CLIC6: variants seen among roughly 807,000 people sequenced by gnomAD.
The protein encoded by CLIC6 is chloride intracellular channel protein 6.
In CLIC6, 39 loss-of-function variants were observed where a neutral mutation model predicts 49.2. That is an observed-to-expected ratio of 0.79 (90% CI 0.61 to 1.04). CLIC6 has a LOEUF of 1.04. Among genes scored for constraint, CLIC6 ranks in the 50% least tolerant of loss-of-function variants. The probability of loss-of-function intolerance (pLI) is 0.00; values close to 1 mark genes in which losing one functional copy is unlikely to be tolerated. For synonymous variants in CLIC6, 446 were observed against 433.4 expected, an observed-to-expected ratio of 1.03 and a Z score of -0.36; for missense variants, 988 against 993.1, an observed-to-expected ratio of 0.99 and a Z score of 0.07.
At chr21:34,713,125 C>G (rs1353792953) in intron 5 of CLIC6, among the ~76,000 whole-genome samples, 1 of 151,628 alleles carries the variant, frequency 6.6e-6, no homozygotes, top group Non-Finnish European at 1.5e-5. Flanking sequence ...TTGGGGTAGA[C>G]AGAGTTGATT....
chr21:34,671,451 T>C (rs1382926599), intron 1 of CLIC6, among the ~76,000 whole-genome samples: 1 of 152,212 alleles, frequency 6.6e-6, no homozygotes, highest in Non-Finnish European at 1.5e-5. Context: ...TCTGCTTGTA[T>C]GTCATGTTTT....
chr21:34,700,311 G>A (rs1360171532), intron 1 of CLIC6, among the ~76,000 whole-genome samples: 1 of 140,948 alleles, frequency 7.1e-6, no homozygotes. Context: ...GCCGTGCGTG[G>A]TGCCGGGCTC....
intron 1 of CLIC6, among the ~76,000 whole-genome samples, chr21:34,701,896 G>A (rs149589987): frequency 6.6e-5 from 10 of 151,942 alleles, no homozygotes; most frequent in East Asian, 3.9e-4. Context: ...GACTTGCTGC[G>A]GGTGACTCAG....
chr21:34,672,394 C>T (rs1466245823), intron 1 of CLIC6, among the ~76,000 whole-genome samples: 2 of 152,154 alleles, frequency 1.3e-5, no homozygotes, highest in Non-Finnish European at 2.9e-5. Context: ...ACTTACTGTT[C>T]CTTGAGGGAG....
chr21:34,702,120 G>A (rs1259830603), intron 1 of CLIC6, among the ~76,000 whole-genome samples: 1 of 152,168 alleles, frequency 6.6e-6, no homozygotes, highest in African/African-American at 2.4e-5. Context: ...TCAGGCCCCC[G>A]TCATTTTGTG....
Position 34,708,044 on chromosome 21 carries a change from T to C in CLIC6, c.1585T>C (p.Leu529=). The change falls in exon 3 of 6, where the codon TTA becomes CTA. Residue 529 remains leucine, a synonymous_variant. Transcript: ENST00000349499. The part of the protein sequence containing the change: ...KTDVNKIEEF[L]EEKLAPPRYP... ...GGATGTGAATAAGATCGAGGAGTTC[T>C]TAGAGGAGAAATTAGCTCCCCCGAG... 6.2e-7 allele frequency: 1 copy of C among 1,614,158 alleles called. No individual in the cohort carries two copies. The highest frequency in any genetic ancestry group is 8.5e-7 in the Non-Finnish European group (1 of 1,180,006).
intron 1 of CLIC6, among the ~76,000 whole-genome samples, chr21:34,680,497 T>C (rs923020442): frequency 4.6e-5 from 7 of 152,262 alleles, no homozygotes; most frequent in Admixed American, 3.3e-4. Context: ...TGCAAATCTC[T>C]GCAGCAGGCT....
chr21:34,692,087 A>T (rs1990005722), intron 1 of CLIC6, among the ~76,000 whole-genome samples: 1 of 152,234 alleles, frequency 6.6e-6, no homozygotes, highest in Admixed American at 6.5e-5. Context: ...TTAGAAAGAG[A>T]TCTGACAAGC....
intron 1 of CLIC6, among the ~76,000 whole-genome samples, chr21:34,701,392 G>A (rs1990188568): frequency 6.6e-6 from 1 of 151,278 alleles, no homozygotes; most frequent in Non-Finnish European, 1.5e-5. Flanking sequence ...ATTGAGGCTC[G>A]TTAAAAGGCA....
At chr21:34,687,444 CA>C (rs1989903785) in intron 1 of CLIC6, among the ~76,000 whole-genome samples, 1 of 152,174 alleles carries the variant, frequency 6.6e-6, no homozygotes, top group African/African-American at 2.4e-5. Flanking sequence ...CAGTTGGTAT[CA>C]GGCCATATTA....
chr21:34,701,308 C>CAAAAAAAAAA (rs763844976), intron 1 of CLIC6, among the ~76,000 whole-genome samples: 5 of 49,570 alleles, frequency 1.0e-4, no homozygotes, highest in African/African-American at 3.9e-4. Context: ...GGCTCCGTCT[C>CAAAAAAAAAA]AAAAAAAAAA....
At chr21:34,697,317 G>C (rs540534189) in intron 1 of CLIC6, among the ~76,000 whole-genome samples, 1 of 152,276 alleles carries the variant, frequency 6.6e-6, no homozygotes, top group African/African-American at 2.4e-5. Flanking sequence ...GTATTAGCTG[G>C]TTCTCCACAG....
At chr21:34,703,274 A>G (rs2055992455) in intron 1 of CLIC6, among the ~76,000 whole-genome samples, 1 of 152,220 alleles carries the variant, frequency 6.6e-6, no homozygotes, top group African/African-American at 2.4e-5. Context: ...AGAGTAGAGA[A>G]AAGTGCTTAC....
rs560454453 is a variant in CLIC6, at chr21:34,674,855, G to C, written c.1374+4093G>C. Among the ~76,000 whole-genome samples, 4 of 152,282 alleles carry C rather than the reference G, an allele frequency of 2.6e-5. No individual in the cohort carries two copies. In the South Asian group the frequency reaches 8.3e-4, roughly 32 times the overall value. ...ACAGGCAAAACACTAGCAGCAGAGA[G>C]TTAAGTAAGAACTTCATTTAAGTAA... On this transcript the variant is annotated intron_variant, in intron 1 of 5. Transcript: ENST00000349499.
chr21:34,672,391 G>A (rs1041982192), intron 1 of CLIC6, among the ~76,000 whole-genome samples: 4 of 152,112 alleles, frequency 2.6e-5, no homozygotes, highest in Admixed American at 1.3e-4. Flanking sequence ...ACTACTTACT[G>A]TTCCTTGAGG....
intron 1 of CLIC6, among the ~76,000 whole-genome samples, chr21:34,673,119 T>A (rs1989597435): frequency 6.6e-6 from 1 of 152,136 alleles, no homozygotes; most frequent in Non-Finnish European, 1.5e-5. Context: ...CAAATACTGC[T>A]TGGGAGGAGT....
At chr21:34,687,413 T>C (rs1989903374) in intron 1 of CLIC6, among the ~76,000 whole-genome samples, 1 of 152,248 alleles carries the variant, frequency 6.6e-6, no homozygotes, top group African/African-American at 2.4e-5. Flanking sequence ...AAATAAGCTT[T>C]TCATCTCCAT....
chr21:34,682,302 C>A (rs891694444), intron 1 of CLIC6, among the ~76,000 whole-genome samples: 1 of 152,208 alleles, frequency 6.6e-6, no homozygotes, highest in Non-Finnish European at 1.5e-5. Context: ...CTTATTTCCA[C>A]AAACTTCTCT....
At position 34,670,333 on chromosome 21, in the gene CLIC6, C is replaced by A; in HGVS notation, c.945C>A (p.Ala315=). 1 of 1,449,176 alleles carries A rather than the reference C, an allele frequency of 6.9e-7. No individual in the cohort carries two copies. The allele number at this position is 1,449,176 out of a possible 1,614,324, so 89.8% of individuals were successfully genotyped here. The change falls in exon 1 of 6, where the codon GCC becomes GCA. Residue 315 remains alanine (A), a synonymous_variant. Coordinates refer to ENST00000349499, the MANE Select transcript of CLIC6 (RefSeq NM_053277.3). Reference sequence around the variant, plus strand: ...AGGCCGAGGCAATTGAGGTCGCAGCCGGGGAGAGTGCGGGGCGCAGCCCCG... The same window carrying A: ...AGGCCGAGGCAATTGAGGTCGCAGCAGGGGAGAGTGCGGGGCGCAGCCCCG... ...SPQAEAIEVA[A]GESAGRSPGE...
Sources: allele counts gnomAD v4.1 joint callset (sites outside exome capture counted in the v4.1 genomes callset), GRCh38; gene constraint gnomAD v4.1.1; transcripts MANE v1.5; gene names NCBI Gene and HGNC (gene_info 2026-07-23, HGNC 2026-07-21).